The following USP6 variants were observed in gnomAD, a reference collection of about 807,000 sequenced individuals.
USP6 encodes ubiquitin specific peptidase 6.
Under a neutral mutation model 175.7 loss-of-function variants are expected in USP6, and 128 were observed. That is an observed-to-expected ratio of 0.73 (90% confidence interval 0.63 to 0.84). The LOEUF (loss-of-function observed/expected upper bound fraction) is 0.84, where lower values mean the gene tolerates loss of function less well. Ranked by LOEUF, USP6 falls within the 40% of genes least tolerant of loss-of-function variation. USP6 has a pLI of 0.00. For missense variants in USP6, 1,498 were observed against 1,760.3 expected, an observed-to-expected ratio of 0.85 and a Z score of 2.67; for synonymous variants, 562 against 630.6, an observed-to-expected ratio of 0.89 and a Z score of 1.63.
chr17:5,128,638 T>C (rs1163095122), intron 7 of USP6: 3 of 152,494 alleles, frequency 2.0e-5, no homozygotes, highest in Non-Finnish European at 4.4e-5. Flanking sequence ...TTTATCCACA[T>C]ACACATGTGC....
At chr17:5,144,483 C>T (rs990982048) in intron 25 of USP6, among the ~76,000 whole-genome samples, 15 of 151,890 alleles carry the variant, frequency 9.9e-5, no homozygotes, top group African/African-American at 3.4e-4. Flanking sequence ...ACAGTATTGG[C>T]CAAAATACTT....
chr17:5,143,656 C>A (rs932744850), intron 25 of USP6, among the ~76,000 whole-genome samples: 2 of 151,866 alleles, frequency 1.3e-5, no homozygotes, highest in Non-Finnish European at 2.9e-5. Flanking sequence ...AAACCAGAGA[C>A]CTTTGTTCAC....
At chr17:5,138,006 G>A in intron 20 of USP6, 115 bp from the exon 21 acceptor site, 1 of 1,575,210 alleles carries the variant, frequency 6.3e-7, no homozygotes, top group African/African-American at 1.3e-5. Flanking sequence ...CTGGATGCCT[G>A]GGGTGGCCAC....
chr17:5,159,320 C>G (rs1262822103), intron 31 of USP6, among the ~76,000 whole-genome samples: 4 of 151,974 alleles, frequency 2.6e-5, no homozygotes, highest in African/African-American at 9.7e-5. Context: ...TTCACAAGGT[C>G]TAGAATATGA....
At position 5,169,055 on chromosome 17, in the gene USP6, G is replaced by T; in HGVS notation, c.3517G>T (p.Gly1173Cys). Reference protein sequence around the residue: ...LSANISSSPKGSPSSSRKSGT... With the variant: ...LSANISSSPKCSPSSSRKSGT... ...CGCTAACATCAGCAGCAGCCCAAAA[G>T]GTGAGGCCTGGGGGCCTTATGCAGT... Residue 1173 changes from glycine to cysteine, a missense_variant and splice_region_variant, in exon 35 of 38, where the codon GGT (glycine) becomes TGT (cysteine). By Grantham distance (159) the Gly-to-Cys change is radical. Coordinates refer to ENST00000574788, the MANE Select transcript of USP6 (RefSeq NM_001304284.2). 1 of 1,597,692 alleles carries T rather than the reference G, an allele frequency of 6.3e-7. No homozygotes were observed. Among genetic ancestry groups the T allele is most frequent in the Non-Finnish European group, 8.5e-7 (1 of 1,172,580 alleles).
At chr17:5,169,112 G>A (rs2074159240) in intron 35 of USP6, 57 bp downstream of exon 35, 1 of 1,494,154 alleles carries the variant, frequency 6.7e-7, no homozygotes, top group Non-Finnish European at 8.9e-7. Flanking sequence ...GGCTACATAT[G>A]TTTCTCTGTC....
At chr17:5,152,076 T>C (rs1486789730) in intron 30 of USP6, among the ~76,000 whole-genome samples, 1 of 152,036 alleles carries the variant, frequency 6.6e-6, no homozygotes, top group Admixed American at 6.6e-5. Context: ...ACTCCGTCTC[T>C]ACTAAAAATA....
rs776368415 is a variant in USP6, at chr17:5,170,569, G to C, written c.3608G>C (p.Ser1203Thr). Reference protein sequence around the residue: ...PNSSPRTLGRSKGRLRLPQIG... With the variant: ...PNSSPRTLGRTKGRLRLPQIG... ...AGCAGCCCACGGACTTTGGGGAGGA[G>C]CAAAGGGAGGCTCCGGCTGCCCCAG... The change falls in exon 36 of 38, where the codon AGC (serine) becomes ACC (threonine). Residue 1203 changes from serine to threonine, a missense_variant. By Grantham distance (58) the Ser-to-Thr change is moderately conservative (BLOSUM62 1). Around this residue, in one of 2 missense-constraint regions of USP6, gnomAD observed 1,217 missense variants for 1,500.8 expected, o/e 0.81. Transcript: ENST00000574788. 1.1e-5 allele frequency: 17 copies of C among 1,612,206 alleles called. 1 individual carries two copies. In the Admixed American group the frequency reaches 2.8e-4, roughly 27 times the overall value.
At chr17:5,157,028 C>T (rs1266354909) in intron 31 of USP6, among the ~76,000 whole-genome samples, 5 of 151,838 alleles carry the variant, frequency 3.3e-5, no homozygotes, top group Non-Finnish European at 5.9e-5. Flanking sequence ...CCACACCTGG[C>T]CAGATTTAAA....
At chr17:5,137,967 AC>A (rs1216217294) in intron 20 of USP6, among the ~76,000 whole-genome samples, 153 bp from the exon 21 acceptor site, 2 of 151,292 alleles carry the variant, frequency 1.3e-5, no homozygotes, top group Non-Finnish European at 2.9e-5. Context: ...TGTCCAGATC[AC>A]CCCCCAGCCA....
intron 35 of USP6, 123 bp from the exon 36 acceptor site, chr17:5,170,356 C>T: frequency 1.4e-6 from 2 of 1,419,744 alleles, no homozygotes; most frequent in East Asian, 4.7e-5. Flanking sequence ...GGTAGCCAGT[C>T]ATGACTCCCC....
intron 11 of USP6, among the ~76,000 whole-genome samples, chr17:5,130,897 G>A (rs1314841352): frequency 6.6e-6 from 1 of 152,230 alleles, no homozygotes; most frequent in East Asian, 1.9e-4. Flanking sequence ...GGGAGCTGGT[G>A]GGAATGGAGA....
At chr17:5,137,784 G>C (rs1199678791) in intron 20 of USP6, 34 bp downstream of exon 20, 1 of 1,603,882 alleles carries the variant, frequency 6.2e-7, no homozygotes, top group South Asian at 1.1e-5. Flanking sequence ...GGCCTGGGGA[G>C]CCCTGCAGTC....
intron 35 of USP6, among the ~76,000 whole-genome samples, chr17:5,169,532 C>T (rs2074167994): frequency 6.6e-6 from 1 of 152,174 alleles, no homozygotes; most frequent in Admixed American, 6.5e-5. Flanking sequence ...GCCTGGACCT[C>T]CTGGGGTCAA....
At position 5,133,844 on chromosome 17, in the gene USP6, A is replaced by C. The variant is rs750505671; in HGVS notation, c.385-43A>C. 2.5e-5 allele frequency: 40 copies of C among 1,589,346 alleles called. No homozygotes were observed. The Admixed American group carries it at 6.5e-4, about 26-fold the overall frequency. On this transcript the variant is annotated intron_variant, in intron 14 of 37. Coordinates refer to ENST00000574788, the MANE Select transcript of USP6 (RefSeq NM_001304284.2). ...TGCCATTTGGGGCAGGGAGTCTTCC[A>C]TCTGTTCTGAGGCTGCTTCCTCCTC...
At position 5,139,541 on chromosome 17, in the gene USP6, C is replaced by T. The variant is rs547027041; in HGVS notation, c.1365C>T (p.Pro455=). Residue 455 remains proline, a synonymous_variant, in exon 22 of 38, where the codon CCC becomes CCT. Transcript: ENST00000574788. ...SWRFLEWKSM[P]RLPTDLDIGG... The stretch of plus-strand genomic sequence containing the variant: ...GATTCCTGGAGTGGAAGTCAATGCC[C>T]CGGCTCCCAACGGACCTGGATATAG... 1 of 1,613,842 alleles carries T rather than the reference C, an allele frequency of 6.2e-7. No homozygotes were observed. The highest frequency in any genetic ancestry group is 1.3e-5 in the African/African-American group (1 of 75,050).
At chr17:5,148,534 G>C (rs767230454) in intron 29 of USP6, 22 bp from the exon 30 acceptor site, 3 of 1,612,898 alleles carry the variant, frequency 1.9e-6, no homozygotes, top group Non-Finnish European at 2.5e-6. Context: ...TTATGATGCT[G>C]TACTTATCTT....
chr17:5,124,303 C>T (rs1309977108), intron 4 of USP6, among the ~76,000 whole-genome samples: 1 of 152,116 alleles, frequency 6.6e-6, no homozygotes, highest in South Asian at 2.1e-4. Context: ...GCGGTACCAC[C>T]CCCCACCCAA....
Position 5,149,406 on chromosome 17 carries a change from A to C in USP6, c.2643+639A>C, listed in dbSNP as rs184454936. On this transcript the variant is annotated intron_variant, in intron 30 of 37. Coordinates refer to ENST00000574788, the MANE Select transcript of USP6 (RefSeq NM_001304284.2). ...TGGTAAAGCGAGACTTCATCTCAAA[A>C]AAAAACAAAAACAAAAACAAAAACA... Among the ~76,000 whole-genome samples the C allele has an allele frequency of 6.7e-3, 1,023 of 152,270 alleles. 13 individuals are homozygous for C. The highest frequency in any genetic ancestry group is 0.023 in the African/African-American group (935 of 41,550).
Sources: gnomAD v4.1 joint callset for allele counts (sites outside exome capture counted in the v4.1 genomes callset) on GRCh38, gnomAD v4.1.1 for gene constraint, gnomAD v4.1.1 regional missense constraint, MANE v1.5 for transcripts, NCBI Gene and HGNC (gene_info 2026-07-23, HGNC 2026-07-21) for gene names.